GRIA1: variants seen among roughly 807,000 people sequenced by gnomAD.
The protein encoded by GRIA1 is glutamate receptor 1.
In GRIA1, 31 loss-of-function variants were observed where a neutral mutation model predicts 99.2. The observed-to-expected ratio is 0.31, with a 90% CI of 0.23 to 0.42. The LOEUF is 0.42. Among genes scored for constraint, GRIA1 ranks in the 10% least tolerant of loss-of-function variants. The probability of loss-of-function intolerance (pLI) is 1.00; values close to 1 mark genes in which losing one functional copy is unlikely to be tolerated. For missense variants in GRIA1, 782 were observed against 1,157.5 expected (o/e 0.68, Z 4.71); for synonymous variants, 438 against 432.4 (o/e 1.01, Z -0.16).
chr5:153,528,352 A>G (rs1411293526), intron 2 of GRIA1, among the ~76,000 whole-genome samples: 1 of 152,178 alleles, frequency 6.6e-6, no homozygotes, highest in African/African-American at 2.4e-5. Flanking sequence ...TCAGGATTAT[A>G]GCCAAACCCA....
At chr5:153,774,862 G>A (rs1470821800) in intron 13 of GRIA1, among the ~76,000 whole-genome samples, 1 of 152,234 alleles carries the variant, frequency 6.6e-6, no homozygotes, top group Non-Finnish European at 1.5e-5. Flanking sequence ...TGGGGCTTTT[G>A]TTTATTTGTT....
intron 5 of GRIA1, among the ~76,000 whole-genome samples, chr5:153,658,099 C>G (rs1755085189): frequency 6.6e-6 from 1 of 152,128 alleles, no homozygotes; most frequent in Non-Finnish European, 1.5e-5. Context: ...AGCACTAGAG[C>G]TAGGCCTGTC....
At chr5:153,539,931 T>A (rs1486194048) in intron 2 of GRIA1, among the ~76,000 whole-genome samples, 1 of 152,214 alleles carries the variant, frequency 6.6e-6, no homozygotes, top group African/African-American at 2.4e-5. Flanking sequence ...CTCTCATTTC[T>A]CCATTTGAGC....
intron 1 of GRIA1, among the ~76,000 whole-genome samples, chr5:153,491,614 G>A (rs1753925519): frequency 6.6e-6 from 1 of 151,944 alleles, no homozygotes; most frequent in Non-Finnish European, 1.5e-5. Flanking sequence ...CCCCGATCCT[G>A]GAACTTCCTC....
chr5:153,546,883 G>C (rs1759662596), intron 2 of GRIA1, among the ~76,000 whole-genome samples: 1 of 152,222 alleles, frequency 6.6e-6, no homozygotes, highest in Non-Finnish European at 1.5e-5. Context: ...AAATGTGTAA[G>C]TAGAGACAGA....
intron 11 of GRIA1, among the ~76,000 whole-genome samples, chr5:153,749,571 T>C (rs1762378165): frequency 6.6e-6 from 1 of 152,000 alleles, no homozygotes; most frequent in African/African-American, 2.4e-5. Flanking sequence ...AACAGTCAGA[T>C]CTTGTGGGAA....
At chr5:153,536,979 G>A (rs988147708) in intron 2 of GRIA1, among the ~76,000 whole-genome samples, 9 of 152,124 alleles carry the variant, frequency 5.9e-5, no homozygotes, top group Admixed American at 1.3e-4. Flanking sequence ...ACTCTTTCTG[G>A]GCCTCAGTTT....
At chr5:153,537,605 A>G (rs544413045) in intron 2 of GRIA1, among the ~76,000 whole-genome samples, 24 of 152,306 alleles carry the variant, frequency 1.6e-4, no homozygotes, top group South Asian at 1.2e-3. Context: ...GTCCATAGCA[A>G]TCTACCTCTG....
intron 11 of GRIA1, among the ~76,000 whole-genome samples, chr5:153,736,309 T>C (rs1761374932): frequency 6.6e-6 from 1 of 152,248 alleles, no homozygotes; most frequent in African/African-American, 2.4e-5. Flanking sequence ...CAAATTCCAA[T>C]GCCTTTTTAT....
chr5:153,614,545 A>G (rs531346118), intron 2 of GRIA1, among the ~76,000 whole-genome samples: 1 of 152,352 alleles, frequency 6.6e-6, no homozygotes, highest in East Asian at 1.9e-4. Flanking sequence ...ATATGGCTGG[A>G]AAGTGGCAGA....
At chr5:153,674,736 G>A (rs1756447358) in intron 6 of GRIA1, 75 bp downstream of exon 6, 2 of 1,443,574 alleles carry the variant, frequency 1.4e-6, no homozygotes, top group South Asian at 1.2e-5. Flanking sequence ...AGCTGCATTA[G>A]TCTTTACAAA....
In GRIA1 at chr5:153,674,541, C is replaced by A. The variant is rs150626993; in HGVS notation, c.741C>A (p.Gly247=). ...DIDLNKFKES[G]ANVTGFQLVN... Reference sequence around the variant, plus strand: ...ACTTAAACAAATTCAAGGAGAGTGGCGCCAATGTGACAGGTTTCCAGCTGG... The same window carrying A: ...ACTTAAACAAATTCAAGGAGAGTGGAGCCAATGTGACAGGTTTCCAGCTGG... The change falls in exon 6 of 16, where the codon GGC becomes GGA. Residue 247 remains glycine, a synonymous_variant. Coordinates refer to ENST00000285900, the MANE Select transcript of GRIA1 (RefSeq NM_000827.4). 5.8e-4 allele frequency: 937 copies of A among 1,614,068 alleles called. 12 individuals carry two copies. The African/African-American group carries it at 0.011, about 19-fold the overall frequency.
intron 2 of GRIA1, among the ~76,000 whole-genome samples, chr5:153,634,073 T>C (rs1230721582): frequency 6.6e-6 from 1 of 151,946 alleles, no homozygotes; most frequent in African/African-American, 2.4e-5. Flanking sequence ...TCCCAGCATT[T>C]TGGGAGGCCG....
At chr5:153,722,745 G>A (rs926978329) in intron 11 of GRIA1, among the ~76,000 whole-genome samples, 4 of 152,196 alleles carry the variant, frequency 2.6e-5, no homozygotes, top group African/African-American at 7.2e-5. Context: ...TGAGATGGAA[G>A]CTGGATGATC....
At chr5:153,799,872 T>G (rs938719146) in intron 14 of GRIA1, among the ~76,000 whole-genome samples, 1 of 152,120 alleles carries the variant, frequency 6.6e-6, no homozygotes, top group Non-Finnish European at 1.5e-5. Context: ...ATATAGAACA[T>G]GCCTTTCCAC....
Position 153,686,274 on chromosome 5 carries a change from G to T in GRIA1, c.1079G>T (p.Arg360Leu). Residue 360 changes from arginine (R) to leucine (L), a missense_variant, in exon 8 of 16, where the codon CGC becomes CTC. By Grantham distance (102) the Arg-to-Leu change is moderately radical (BLOSUM62 -2). This residue lies in a region of GRIA1 where 461 missense variants were observed against 521.7 expected (regional missense o/e 0.88). Coordinates refer to ENST00000285900, the MANE Select transcript of GRIA1 (RefSeq NM_000827.4). ...TGNVQFNEKG[R>L]RTNYTLHVIE... ...AACGTGCAGTTTAATGAGAAAGGAC[G>T]CCGGACCAACTACACGCTCCACGTG... 2 of 1,613,996 alleles carry T rather than the reference G, an allele frequency of 1.2e-6. No individual in the cohort carries two copies. The highest frequency in any genetic ancestry group is 1.7e-6 in the Non-Finnish European group (2 of 1,179,874).
intron 10 of GRIA1, among the ~76,000 whole-genome samples, chr5:153,701,923 G>A (rs148173905): frequency 1.1e-4 from 16 of 152,190 alleles, no homozygotes; most frequent in African/African-American, 3.4e-4. Context: ...ATCGTGTAGC[G>A]TGTGCCAGGT....
At chr5:153,604,301 G>A (rs1274838830) in intron 2 of GRIA1, among the ~76,000 whole-genome samples, 6 of 152,064 alleles carry the variant, frequency 3.9e-5, no homozygotes, top group Non-Finnish European at 8.8e-5. Flanking sequence ...AATCAAACAC[G>A]TGAGTTACCT....
chr5:153,602,581 A>T (rs1304619764), intron 2 of GRIA1, among the ~76,000 whole-genome samples: 1 of 152,218 alleles, frequency 6.6e-6, no homozygotes, highest in Non-Finnish European at 1.5e-5. Flanking sequence ...ATATAGCTTG[A>T]ATTGCTCTTA....
Sources: allele counts gnomAD v4.1 joint callset (sites outside exome capture counted in the v4.1 genomes callset), GRCh38; gene constraint gnomAD v4.1.1; regional missense constraint gnomAD v4.1.1; transcripts MANE v1.5; gene names NCBI Gene and HGNC (gene_info 2026-07-23, HGNC 2026-07-21).